PKIB: variants seen among roughly 807,000 people sequenced by gnomAD.
PKIB encodes the protein PKI-beta.
Under a neutral mutation model 4.5 loss-of-function variants are expected in PKIB, and 2 were observed. The observed-to-expected ratio is 0.44, with a 90% CI of 0.18 to 1.39. The LOEUF (loss-of-function observed/expected upper bound fraction) is 1.39, where lower values mean the gene tolerates loss of function less well. PKIB is among the 40% of genes most tolerant of loss of function. The pLI is 0.27. For missense variants in PKIB, 94 were observed against 92.6 expected (o/e 1.02, Z -0.06); for synonymous variants, 38 against 36.0 (o/e 1.06, Z -0.20).
chr6:122,540,611 A>G (rs1220175400), intron 2 of PKIB, among the ~76,000 whole-genome samples: 1 of 151,836 alleles, frequency 6.6e-6, no homozygotes, highest in African/African-American at 2.4e-5. Flanking sequence ...CTATGTGGTC[A>G]ATTTTGGAAT....
intron 2 of PKIB, among the ~76,000 whole-genome samples, chr6:122,545,308 A>G (rs1220529059): frequency 6.6e-6 from 1 of 152,042 alleles, no homozygotes; most frequent in Admixed American, 6.5e-5. Flanking sequence ...CCATGTAGCC[A>G]TAAAGAAGAA....
intron 2 of PKIB, among the ~76,000 whole-genome samples, chr6:122,639,514 C>A (rs1444663911): frequency 2.6e-5 from 4 of 152,178 alleles, no homozygotes; most frequent in Non-Finnish European, 5.9e-5. Context: ...GAGCTAAAGA[C>A]ACTGCAATTC....
intron 3 of PKIB, among the ~76,000 whole-genome samples, chr6:122,595,022 A>G (rs1049759514): frequency 6.6e-5 from 10 of 152,040 alleles, no homozygotes; most frequent in East Asian, 1.9e-4. Flanking sequence ...CGTTGTTGCA[A>G]CTCCTGGTGG....
intron 1 of PKIB, among the ~76,000 whole-genome samples, chr6:122,611,319 G>C (rs111469482): frequency 3.9e-5 from 6 of 152,284 alleles, no homozygotes; most frequent in African/African-American, 1.4e-4. Flanking sequence ...ACCGGTCTTC[G>C]TAGAGCTCCC....
chr6:122,559,261 A>G (rs1226126086), intron 2 of PKIB, among the ~76,000 whole-genome samples: 1 of 151,590 alleles, frequency 6.6e-6, no homozygotes, highest in Non-Finnish European at 1.5e-5. Flanking sequence ...ACAAATATAT[A>G]CATAAAATAG....
At chr6:122,602,523 T>G (rs1411578458) in intron 3 of PKIB, among the ~76,000 whole-genome samples, 1 of 152,186 alleles carries the variant, frequency 6.6e-6, no homozygotes, top group East Asian at 1.9e-4. Context: ...ATTAATGAGC[T>G]AATGTTAATT....
intron 2 of PKIB, among the ~76,000 whole-genome samples, chr6:122,498,542 AC>A (rs1776139294): frequency 5.9e-5 from 9 of 152,202 alleles, no homozygotes; most frequent in Admixed American, 5.9e-4. Flanking sequence ...GACACAACAT[AC>A]CAAAATCTCT....
chr6:122,604,640 C>G (rs535863503), intron 3 of PKIB, among the ~76,000 whole-genome samples: 1 of 152,132 alleles, frequency 6.6e-6, no homozygotes, highest in Non-Finnish European at 1.5e-5. Flanking sequence ...AATAAGGAGG[C>G]CAATTCAGAG....
At chr6:122,617,325 G>A (rs1328794893) in intron 1 of PKIB, among the ~76,000 whole-genome samples, 3 of 152,154 alleles carry the variant, frequency 2.0e-5, no homozygotes, top group African/African-American at 7.2e-5. Flanking sequence ...GGTGGAGAAA[G>A]TTTTTAGGGG....
intron 3 of PKIB, among the ~76,000 whole-genome samples, chr6:122,713,616 C>G (rs1779358678): frequency 6.6e-6 from 1 of 152,162 alleles, no homozygotes; most frequent in African/African-American, 2.4e-5. Flanking sequence ...GAAGGAGAAG[C>G]TTTCACTTAA....
chr6:122,670,980 A>T (rs1000455376), intron 2 of PKIB, among the ~76,000 whole-genome samples: 24 of 152,210 alleles, frequency 1.6e-4, no homozygotes, highest in African/African-American at 5.8e-4. Flanking sequence ...TTTAAAAACA[A>T]AACAAAAATT....
intron 2 of PKIB, among the ~76,000 whole-genome samples, chr6:122,658,638 A>G (rs987829725): frequency 2.0e-5 from 3 of 151,714 alleles, no homozygotes; most frequent in Admixed American, 1.3e-4. Context: ...ATTTTTCCTT[A>G]TTAGTGGGGA....
chr6:122,619,400 TTTA>T (rs1347036587), intron 1 of PKIB, among the ~76,000 whole-genome samples: 1 of 152,148 alleles, frequency 6.6e-6, no homozygotes, highest in African/African-American at 2.4e-5. Context: ...CTTACCTTAT[TTTA>T]TTATTATTTA....
At chr6:122,688,215 G>A (rs1484325459) in intron 3 of PKIB, among the ~76,000 whole-genome samples, 1 of 151,870 alleles carries the variant, frequency 6.6e-6, no homozygotes, top group Non-Finnish European at 1.5e-5. Flanking sequence ...ATGATCATAT[G>A]TTTTTTTGTC....
rs1388297696 is a variant in PKIB, at chr6:122,541,083, C to T, written c.-247-44838C>T. 6.0e-5 allele frequency among the ~76,000 whole-genome samples: 9 copies of T among 151,244 alleles called. No individual in the cohort carries two copies. The South Asian group carries it at 6.3e-4, about 11-fold the overall frequency. On this transcript the variant is annotated intron_variant, in intron 2 of 6. Transcript: ENST00000392491. ...TTTTGAGCCTATGTGTGTCTCTGCA[C>T]GTGAGATGGGTTTCCTGAATACAGC... is the stretch of plus-strand genomic sequence containing the variant.
At chr6:122,672,100 G>A (rs1286121128) in intron 2 of PKIB, among the ~76,000 whole-genome samples, 1 of 152,128 alleles carries the variant, frequency 6.6e-6, no homozygotes, top group East Asian at 1.9e-4. Flanking sequence ...AATATTTTTA[G>A]CTACATTATT....
chr6:122,686,190 A>C (rs1390902068), intron 3 of PKIB, among the ~76,000 whole-genome samples: 1 of 152,204 alleles, frequency 6.6e-6, no homozygotes, highest in African/African-American at 2.4e-5. Context: ...TTGCTAGATC[A>C]TATGGTAGCT....
chr6:122,666,535 G>T (rs1289520189), intron 2 of PKIB, among the ~76,000 whole-genome samples: 2 of 152,024 alleles, frequency 1.3e-5, no homozygotes, highest in African/African-American at 2.4e-5. Flanking sequence ...TCACTTTCTG[G>T]TGGATACGCA....
rs1046603778 is a variant in PKIB at position 122,554,527 on chromosome 6, C to G, written c.-247-31394C>G. Among the ~76,000 whole-genome samples, 3 of 152,162 alleles carry G rather than the reference C, an allele frequency of 2.0e-5. 1 individual carries two copies. Among genetic ancestry groups the G allele is most frequent in the Non-Finnish European group, 4.4e-5 (3 of 68,034 alleles). ...AGTGCTTGTACTCACTTCAAAAACTCACATTTATAAAGTTATAAGATGGCC... is the reference window on the plus strand; with the variant it reads ...AGTGCTTGTACTCACTTCAAAAACTGACATTTATAAAGTTATAAGATGGCC... On this transcript the variant is annotated intron_variant, in intron 2 of 6. Transcript: ENST00000392491.
Sources: allele counts gnomAD v4.1 joint callset (sites outside exome capture counted in the v4.1 genomes callset), GRCh38; gene constraint gnomAD v4.1.1; transcripts MANE v1.5; gene names NCBI Gene and HGNC (gene_info 2026-07-23, HGNC 2026-07-21).